The following RAPGEF1 variants were observed in gnomAD, a reference collection of about 807,000 sequenced individuals.
RAPGEF1 encodes the protein Rap guanine nucleotide exchange factor 1.
In RAPGEF1, 33 loss-of-function variants were observed where a neutral mutation model predicts 143.3. The observed-to-expected ratio is 0.23, with a 90% CI of 0.17 to 0.31. The LOEUF (loss-of-function observed/expected upper bound fraction) is 0.31. Ranked by LOEUF, RAPGEF1 falls within the 10% of genes least tolerant of loss-of-function variation. The probability of loss-of-function intolerance (pLI) is 1.00; values close to 1 mark genes in which losing one functional copy is unlikely to be tolerated. For synonymous variants in RAPGEF1, 629 were observed against 676.5 expected, an observed-to-expected ratio of 0.93 and a Z score of 1.09; for missense variants, 1,199 against 1,645.4, an observed-to-expected ratio of 0.73 and a Z score of 4.69.
At chr9:131,630,692 G>A (rs1964605807) in intron 5 of RAPGEF1, among the ~76,000 whole-genome samples, 1 of 152,120 alleles carries the variant, frequency 6.6e-6, no homozygotes, top group Non-Finnish European at 1.5e-5. Context: ...GTTCTCTAAA[G>A]CCATTAGATC....
Position 131,578,494 on chromosome 9 carries a change from G to A in RAPGEF1, c.*1003C>T, listed in dbSNP as rs1479679758. ...CTGAAAGGTCTGAAGAGCCAGAGGAGGAGCCCTGCTGGCTGGCCCAGGATG... is the reference window on the plus strand; with the variant it reads ...CTGAAAGGTCTGAAGAGCCAGAGGAAGAGCCCTGCTGGCTGGCCCAGGATG... On this transcript the variant is annotated 3_prime_UTR_variant, in exon 27 of 27. Coordinates refer to ENST00000683357, the MANE Select transcript of RAPGEF1 (RefSeq NM_001377935.1). 1 of 152,588 alleles carries A rather than the reference G, an allele frequency of 6.6e-6. No homozygotes were observed. Among genetic ancestry groups the A allele is most frequent in the Non-Finnish European group, 1.5e-5 (1 of 68,296 alleles). The allele number at this position is 152,588 out of a possible 1,614,324, so 9.5% of individuals were successfully genotyped here.
intron 12 of RAPGEF1, among the ~76,000 whole-genome samples, chr9:131,612,913 C>T (rs925660255): frequency 2.0e-5 from 3 of 152,198 alleles, no homozygotes; most frequent in Non-Finnish European, 2.9e-5. Flanking sequence ...GGATTCTTGG[C>T]CAGAGCCTGG....
chr9:131,622,396 T>C (rs2132879654), intron 10 of RAPGEF1, among the ~76,000 whole-genome samples: 1 of 152,260 alleles, frequency 6.6e-6, no homozygotes, highest in South Asian at 2.1e-4. Context: ...GGCTCTGCAG[T>C]GCTAAATTTT....
At chr9:131,730,625 G>C (rs549007054) in intron 1 of RAPGEF1, among the ~76,000 whole-genome samples, 1 of 147,286 alleles carries the variant, frequency 6.8e-6, no homozygotes, top group Non-Finnish European at 1.5e-5. Context: ...AACCTGGGAG[G>C]GGGAGGTTGC....
rs1383944115 is a variant in RAPGEF1, at chr9:131,625,929, G to A, written c.1695C>T (p.Asn565=). The change falls in exon 10 of 27, where the codon AAC becomes AAT. Residue 565 remains asparagine, a synonymous_variant. Transcript: ENST00000683357. ...AGTGCAACAAAGGCTTACTGTGTTTGTTTTTCTTCTCTGGTAGAGGAGGTG... is the reference window on the plus strand; with the variant it reads ...AGTGCAACAAAGGCTTACTGTGTTTATTTTTCTTCTCTGGTAGAGGAGGTG... ...EKPPPLPEKK[N]KHMLAYMQLL... is the part of the protein sequence containing the mutation. 3.2e-6 allele frequency: 5 copies of A among 1,565,432 alleles called. No homozygotes were observed. Among genetic ancestry groups the A allele is most frequent in the Non-Finnish European group, 4.3e-6 (5 of 1,150,214 alleles).
In RAPGEF1 at chr9:131,582,706, GCAGGA is replaced by G. The variant is rs758159197; in HGVS notation, c.3415-9_3415-5del. The G allele has an allele frequency of 2.0e-5, 31 of 1,560,394 alleles. No individual in the cohort carries two copies. Among genetic ancestry groups the G allele is most frequent in the Admixed American group, 2.0e-4 (10 of 50,584 alleles). On this transcript the variant is annotated splice_polypyrimidine_tract_variant and splice_region_variant and intron_variant, in intron 24 of 26. Coordinates refer to ENST00000683357, the MANE Select transcript of RAPGEF1 (RefSeq NM_001377935.1). ...GTGTGCAGTACTCGGCCAGGCCCTG[GCAGGA>G]CAGGACAGGACAGGACCGGACAGGG... is the stretch of plus-strand genomic sequence containing the variant.
At position 131,638,630 on chromosome 9, in the gene RAPGEF1, G is replaced by C; in HGVS notation, c.651+5C>G. 1 of 1,613,774 alleles carries C rather than the reference G, an allele frequency of 6.2e-7. No individual in the cohort carries two copies. Among genetic ancestry groups the C allele is most frequent in the Non-Finnish European group, 8.5e-7 (1 of 1,179,768 alleles). Reference sequence around the variant, plus strand: ...ACTGGGACTGTCTGGAACCTGCACCGGTACCTTCACTCCATCCAGCACAGC... The same window carrying C: ...ACTGGGACTGTCTGGAACCTGCACCCGTACCTTCACTCCATCCAGCACAGC... On this transcript the variant is annotated splice_donor_5th_base_variant and intron_variant, in intron 5 of 26. Coordinates refer to ENST00000683357, the MANE Select transcript of RAPGEF1 (RefSeq NM_001377935.1).
intron 4 of RAPGEF1, among the ~76,000 whole-genome samples, chr9:131,642,364 G>A (rs1306407129): frequency 2.0e-5 from 3 of 152,158 alleles, no homozygotes; most frequent in Non-Finnish European, 4.4e-5. Flanking sequence ...CCTTGACAAG[G>A]TTCCTAATAC....
chr9:131,627,216 A>C (rs1963442520), intron 9 of RAPGEF1, among the ~76,000 whole-genome samples: 1 of 30,610 alleles, frequency 3.3e-5, no homozygotes, highest in East Asian at 5.5e-4. Flanking sequence ...TCTGTCTCAA[A>C]AAAAAAAAAA....
intron 6 of RAPGEF1, 87 bp downstream of exon 6, chr9:131,630,149 G>GC: frequency 1.1e-5 from 13 of 1,215,042 alleles, no homozygotes; most frequent in Non-Finnish European, 1.3e-5. Flanking sequence ...CCCTCATGCT[G>GC]CCCACCCCAC....
chr9:131,719,254 C>T (rs1291602130), intron 1 of RAPGEF1, among the ~76,000 whole-genome samples: 1 of 152,182 alleles, frequency 6.6e-6, no homozygotes, highest in East Asian at 1.9e-4. Flanking sequence ...GAGTGAGATT[C>T]ACCAAAGAGT....
intron 12 of RAPGEF1, among the ~76,000 whole-genome samples, chr9:131,613,896 G>C (rs1388592519): frequency 6.6e-6 from 1 of 152,196 alleles, no homozygotes; most frequent in East Asian, 1.9e-4. Flanking sequence ...TAGACTTGTA[G>C]ACTACATTGT....
At chr9:131,662,957 C>T (rs73561713) in intron 1 of RAPGEF1, among the ~76,000 whole-genome samples, 3,687 of 152,124 alleles carry the variant, frequency 0.024, 152 homozygotes, top group African/African-American at 0.084. Context: ...GTGTGAGCCT[C>T]CACGCCTGGT....
At chr9:131,607,987 G>A (rs1001024551) in intron 12 of RAPGEF1, among the ~76,000 whole-genome samples, 1 of 152,228 alleles carries the variant, frequency 6.6e-6, no homozygotes, top group African/African-American at 2.4e-5. Flanking sequence ...GACTCCCACA[G>A]CATGGTGCCT....
At chr9:131,712,650 T>G (rs1378032816) in intron 1 of RAPGEF1, among the ~76,000 whole-genome samples, 1 of 152,176 alleles carries the variant, frequency 6.6e-6, no homozygotes, top group Non-Finnish European at 1.5e-5. Flanking sequence ...AGGTGTGCCC[T>G]CTCTCGTTTC....
At chr9:131,728,227 A>G (rs1836798540) in intron 1 of RAPGEF1, among the ~76,000 whole-genome samples, 1 of 152,232 alleles carries the variant, frequency 6.6e-6, no homozygotes, top group Non-Finnish European at 1.5e-5. Flanking sequence ...CCCTTCTTGC[A>G]GTGCTCAATG....
At chr9:131,716,465 C>T (rs1278503312) in intron 1 of RAPGEF1, among the ~76,000 whole-genome samples, 1 of 152,158 alleles carries the variant, frequency 6.6e-6, no homozygotes, top group East Asian at 1.9e-4. Flanking sequence ...AAGGAGAATG[C>T]TTCTTAAACC....
chr9:131,666,371 A>C (rs1321046876), intron 1 of RAPGEF1, among the ~76,000 whole-genome samples: 2 of 151,784 alleles, frequency 1.3e-5, no homozygotes, highest in Non-Finnish European at 2.9e-5. Flanking sequence ...TGAACCACAT[A>C]TGTAATTAAA....
chr9:131,585,864 C>T (rs550532236), intron 22 of RAPGEF1, among the ~76,000 whole-genome samples: 63 of 152,202 alleles, frequency 4.1e-4, no homozygotes, highest in African/African-American at 1.3e-3. Context: ...AAACACATTA[C>T]TGGGATTCAT....
Sources: gnomAD v4.1 joint callset for allele counts (sites outside exome capture counted in the v4.1 genomes callset) on GRCh38, gnomAD v4.1.1 for gene constraint, MANE v1.5 for transcripts, NCBI Gene and HGNC (gene_info 2026-07-23, HGNC 2026-07-21) for gene names.